Variants in GRB10 observed in about 807,000 individuals in gnomAD.
GRB10 encodes the protein growth factor receptor-bound protein 10.
In GRB10, 20 loss-of-function variants were observed where a neutral mutation model predicts 80.9. The observed-to-expected ratio is 0.25, with a 90% confidence interval of 0.17 to 0.36. The LOEUF is 0.36. GRB10 is among the 10% of genes least tolerant of loss of function. The probability of loss-of-function intolerance (pLI) is 1.00; values close to 1 mark genes in which losing one functional copy is unlikely to be tolerated. For synonymous variants in GRB10, 291 were observed against 291.5 expected (o/e 1.00, Z 0.02); for missense variants, 548 against 747.7 (o/e 0.73, Z 3.12).
intron 5 of GRB10, among the ~76,000 whole-genome samples, chr7:50,696,397 G>A (rs1393816141): frequency 5.3e-5 from 8 of 152,204 alleles, no homozygotes; most frequent in Non-Finnish European, 1.0e-4. Flanking sequence ...CACAAAGAAG[G>A]CACTGTTGTC....
intron 2 of GRB10, among the ~76,000 whole-genome samples, chr7:50,769,842 C>T (rs866236356): frequency 6.6e-6 from 1 of 152,072 alleles, no homozygotes; most frequent in Admixed American, 6.5e-5. Flanking sequence ...CCGTTGCTGT[C>T]GATTAACACT....
At chr7:50,764,311 C>T (rs1436432477) in intron 2 of GRB10, among the ~76,000 whole-genome samples, 1 of 152,226 alleles carries the variant, frequency 6.6e-6, no homozygotes, top group East Asian at 1.9e-4. Context: ...ATCAGGCTTG[C>T]TAGTGCTGTT....
chr7:50,786,045 T>C (rs1411731323), upstream of GRB10, among the ~76,000 whole-genome samples: 1 of 152,170 alleles, frequency 6.6e-6, no homozygotes, highest in Admixed American at 6.5e-5. Flanking sequence ...CATTCAGTTT[T>C]GCTGTAAACC....
chr7:50,756,060 G>T lies in GRB10; in HGVS notation c.-216-4C>A, dbSNP rs1254906907. The T allele has an allele frequency of 2.5e-6, 1 of 398,492 alleles. No homozygotes were observed. Among genetic ancestry groups the T allele is most frequent in the African/African-American group, 2.1e-5 (1 of 48,628 alleles). The allele number at this position is 398,492 out of a possible 1,614,324, so 24.7% of individuals were successfully genotyped here. A position where few individuals can be genotyped will look rare whatever the true frequency, so the allele number is the denominator to read the frequency against. On this transcript the variant is annotated splice_polypyrimidine_tract_variant and splice_region_variant and intron_variant, in intron 2 of 18. Transcript: ENST00000401949. ...AGCATTGTGGTCAGCGCCAAAGCTG[G>T]AAAGTCAAACGGGCCATCACTGAAC...
chr7:50,790,855 C>G (rs1225654105), intron 1 of GRB10, among the ~76,000 whole-genome samples: 1 of 152,212 alleles, frequency 6.6e-6, no homozygotes, highest in African/African-American at 2.4e-5. Flanking sequence ...AGTTTGATTT[C>G]TACACATAAT....
chr7:50,719,468 G>A (rs1356784184), intron 4 of GRB10, among the ~76,000 whole-genome samples: 1 of 137,300 alleles, frequency 7.3e-6, no homozygotes, highest in Non-Finnish European at 1.5e-5. Context: ...AGCGGCAGTT[G>A]AACAATGAGA....
chr7:50,676,518 A>G (rs1176238349), intron 5 of GRB10, among the ~76,000 whole-genome samples: 1 of 152,226 alleles, frequency 6.6e-6, no homozygotes, highest in Admixed American at 6.5e-5. Context: ...GAAGAATTAA[A>G]TCACCTGCCC....
At chr7:50,597,429 C>T (rs2153562239) in intron 17 of GRB10, among the ~76,000 whole-genome samples, 1 of 143,552 alleles carries the variant, frequency 7.0e-6, no homozygotes, top group Non-Finnish European at 1.5e-5. Flanking sequence ...GCAGCTGTGC[C>T]CACCTCAAAG....
At chr7:50,629,004 A>G (rs1372531514) in intron 7 of GRB10, among the ~76,000 whole-genome samples, 1 of 152,240 alleles carries the variant, frequency 6.6e-6, no homozygotes, top group African/African-American at 2.4e-5. Context: ...TTTGGAAAAT[A>G]TAACTGAGCT....
intron 8 of GRB10, among the ~76,000 whole-genome samples, chr7:50,625,477 T>G (rs1295184987): frequency 6.6e-6 from 1 of 152,180 alleles, no homozygotes. Flanking sequence ...AAGTTACTTG[T>G]GTGTCAACAG....
chr7:50,629,280 T>G (rs1337350261), intron 7 of GRB10, among the ~76,000 whole-genome samples: 2 of 152,158 alleles, frequency 1.3e-5, no homozygotes, highest in African/African-American at 4.8e-5. Context: ...TCAGCCCTGC[T>G]GCATTTTTCT....
intron 3 of GRB10, among the ~76,000 whole-genome samples, chr7:50,746,021 G>A (rs1479237355): frequency 1.3e-5 from 2 of 152,186 alleles, no homozygotes; most frequent in Non-Finnish European, 2.9e-5. Flanking sequence ...TCCAGTATCT[G>A]AGCTGTAAGG....
chr7:50,658,825 G>A (rs897859649), intron 7 of GRB10, among the ~76,000 whole-genome samples: 1 of 152,160 alleles, frequency 6.6e-6, no homozygotes, highest in Non-Finnish European at 1.5e-5. Flanking sequence ...TCTGCTCCAG[G>A]TCACGACTGC....
chr7:50,660,719 C>T (rs912947060), intron 7 of GRB10, among the ~76,000 whole-genome samples: 2 of 151,898 alleles, frequency 1.3e-5, no homozygotes, highest in African/African-American at 2.4e-5. Context: ...TGAGGGGGGC[C>T]GAGGACAGAG....
At chr7:50,657,365 G>A (rs569035524) in intron 7 of GRB10, among the ~76,000 whole-genome samples, 5 of 152,108 alleles carry the variant, frequency 3.3e-5, no homozygotes, top group South Asian at 4.1e-4. Flanking sequence ...CCACTTCCTC[G>A]AGTGTCTGTG....
chr7:50,774,928 G>T (rs2077418049), intron 2 of GRB10, among the ~76,000 whole-genome samples: 1 of 150,894 alleles, frequency 6.6e-6, no homozygotes, highest in Non-Finnish European at 1.5e-5. Flanking sequence ...CGGACTTCTT[G>T]AGCCCAGGAG....
In GRB10 at chr7:50,782,774, G is replaced by A. The variant is rs2078444040; in HGVS notation, c.-677C>T. 1 of 152,108 alleles carries A rather than the reference G, an allele frequency of 6.6e-6. No homozygotes were observed. Among genetic ancestry groups the A allele is most frequent in the Non-Finnish European group, 1.5e-5 (1 of 68,000 alleles). 9.4% of individuals were successfully genotyped at this position (152,108 alleles called of 1,614,324 possible). On this transcript the variant is annotated 5_prime_UTR_variant, in exon 1 of 19. Transcript: ENST00000401949. The surrounding 1 kb of genome is among the most constrained non-coding windows in gnomAD (Gnocchi z 6.6). Reference sequence around the variant, plus strand: ...AGCGCCATCACCACGCAGGTGCCCGGGGGCCCCTCCGCGGAGCCGGCTGCC... The same window carrying A: ...AGCGCCATCACCACGCAGGTGCCCGAGGGCCCCTCCGCGGAGCCGGCTGCC...
intron 5 of GRB10, among the ~76,000 whole-genome samples, chr7:50,684,311 C>G (rs2061870784): frequency 7.8e-6 from 1 of 127,586 alleles, no homozygotes; most frequent in Non-Finnish European, 1.6e-5. Context: ...ATTAATCACT[C>G]TGTACTTTGA....
chr7:50,635,807 C>A (rs1413417287), intron 7 of GRB10, among the ~76,000 whole-genome samples: 1 of 151,204 alleles, frequency 6.6e-6, no homozygotes, highest in Non-Finnish European at 1.5e-5. Context: ...CCTGGAAACA[C>A]CCAACTTCCT....
Sources: allele counts gnomAD v4.1 joint callset (sites outside exome capture counted in the v4.1 genomes callset), GRCh38; gene constraint gnomAD v4.1.1; non-coding constraint Gnocchi (gnomAD v3.1); transcripts MANE v1.5; gene names NCBI Gene and HGNC (gene_info 2026-07-23, HGNC 2026-07-21).